POR: variants seen among roughly 807,000 people sequenced by gnomAD.
POR encodes the protein cytochrome p450 oxidoreductase, also known as NADPH--cytochrome P450 reductase.
In POR, 56 loss-of-function variants were observed where a neutral mutation model predicts 84.0. The observed-to-expected ratio is 0.67, with a 90% CI of 0.54 to 0.83. POR has a LOEUF of 0.83. Ranked by LOEUF, POR falls within the 40% of genes least tolerant of loss-of-function variation. The pLI is 0.00. For missense variants in POR, 938 were observed against 944.3 expected (o/e 0.99, Z 0.09); for synonymous variants, 414 against 400.5 (o/e 1.03, Z -0.40).
chr7:75,985,575 A>C lies in POR; in HGVS notation c.1399-4A>C, dbSNP rs1554559046. 6 of 1,531,292 alleles carry C rather than the reference A, an allele frequency of 3.9e-6. No homozygotes were observed. The Admixed American group carries it at 5.7e-5, about 15-fold the overall frequency. The allele number at this position is 1,531,292 out of a possible 1,614,324, so 94.9% of individuals were successfully genotyped here. ...CGGTGGAGCTCACACGGCCCTCCCC[A>C]CAGGTCCACCCCAACTCTGTGCACA... On this transcript the variant is annotated splice_region_variant and splice_polypyrimidine_tract_variant and intron_variant, in intron 12 of 15. Coordinates refer to ENST00000461988, the MANE Select transcript of POR (RefSeq NM_000941.3).
chr7:75,941,819 T>G (rs1262088733), intron 1 of POR, among the ~76,000 whole-genome samples: 2 of 151,116 alleles, frequency 1.3e-5, no homozygotes, highest in African/African-American at 4.9e-5. Context: ...CTCTATAATT[T>G]GAAATATATA....
Position 75,986,368 on chromosome 7 carries a change from A to C in POR, c.1930A>C (p.Asn644His), listed in dbSNP as rs929205539. ...ACGGAACATGGCCAGGGATGTGCAGAACACCTTCTACGACATCGTGGCTGA... is the reference window on the plus strand; with the variant it reads ...ACGGAACATGGCCAGGGATGTGCAGCACACCTTCTACGACATCGTGGCTGA... Residue 644 changes from asparagine to histidine, a missense_variant, in exon 16 of 16, where the codon AAC becomes CAC. Physicochemically the swap from Asn to His is moderately conservative, Grantham distance 68. Transcript: ENST00000461988. The C allele has an allele frequency of 1.2e-6, 2 of 1,612,602 alleles. No homozygotes were observed. The highest frequency in any genetic ancestry group is 1.3e-5 in the African/African-American group (1 of 75,032).
intron 2 of POR, among the ~76,000 whole-genome samples, chr7:75,961,076 T>C (rs888686846): frequency 1.1e-4 from 17 of 151,570 alleles, no homozygotes; most frequent in Non-Finnish European, 1.8e-4. Context: ...CTACAAAAAG[T>C]ACAAAAATTA....
chr7:75,986,831 T>C lies in POR; in HGVS notation c.*350T>C. 1.7e-6 allele frequency: 1 copy of C among 573,118 alleles called. No individual in the cohort carries two copies. The highest frequency in any genetic ancestry group is 2.4e-5 in the South Asian group (1 of 41,780). 35.5% of individuals were successfully genotyped at this position (573,118 alleles called of 1,614,324 possible). A position where few individuals can be genotyped will look rare whatever the true frequency, so the allele number is the denominator to read the frequency against. ...AATAATTTTAAATAACCTCTGGCCC[T>C]TGGAATAAAGTTCTGTTTTCTGTAT... is the stretch of plus-strand genomic sequence containing the variant. On this transcript the variant is annotated 3_prime_UTR_variant, in exon 16 of 16. Coordinates refer to ENST00000461988, the MANE Select transcript of POR (RefSeq NM_000941.3).
chr7:75,939,536 C>CTTTTTT (rs3043448), intron 1 of POR, among the ~76,000 whole-genome samples: 1 of 126,102 alleles, frequency 7.9e-6, no homozygotes, highest in Non-Finnish European at 1.7e-5. Flanking sequence ...TACTCAACAG[C>CTTTTTT]TTTTTTTTTT....
chr7:75,972,399 CT>C lies in POR; in HGVS notation c.189-10del. ...ACCTGCCTCCCACGCTCATTGCACA[CT>C]TTTGTCTTGCAGGACCTCCTCTGTC... is the stretch of plus-strand genomic sequence containing the variant. On this transcript the variant is annotated splice_polypyrimidine_tract_variant and intron_variant, in intron 2 of 15. Transcript: ENST00000461988. 6.2e-7 allele frequency: 1 copy of C among 1,608,398 alleles called. No homozygotes were observed.
chr7:75,952,316 G>A (rs188847543), intron 1 of POR, among the ~76,000 whole-genome samples: 5,022 of 121,168 alleles, frequency 0.041, 390 homozygotes, highest in Non-Finnish European at 0.063. Flanking sequence ...CCCGGATGGG[G>A]CGGCTGGCCG....
At chr7:75,956,391 A>C (rs782750523) in intron 2 of POR, among the ~76,000 whole-genome samples, 6 of 152,216 alleles carry the variant, frequency 3.9e-5, no homozygotes, top group Admixed American at 1.3e-4. Flanking sequence ...AGTGTCCCAG[A>C]CACTATGCTA....
Position 75,985,074 on chromosome 7 carries a change from G to T in POR, c.1265G>T (p.Trp422Leu), listed in dbSNP as rs1419019194. 1.2e-5 allele frequency: 19 copies of T among 1,598,890 alleles called. No individual in the cohort carries two copies. Among genetic ancestry groups the T allele is most frequent in the Non-Finnish European group, 1.5e-5 (18 of 1,178,856 alleles). ...GTCTCTTAGGAGCTGTACCTGAGCT[G>T]GGTGGTGGAGGCCCGGAGGCACATC... Residue 422 changes from tryptophan (W) to leucine (L), a missense_variant, in exon 12 of 16, where the codon TGG (tryptophan) becomes TTG (leucine). Coordinates refer to ENST00000461988, the MANE Select transcript of POR (RefSeq NM_000941.3).
In POR at chr7:75,986,134, C is replaced by A. The variant is rs41301436; in HGVS notation, c.1816-25C>A. ...GCAGGGCCACAGCCACAGTGCCCCC[C>A]TCACAGCACCACCCTTGGCCCCAGG... On this transcript the variant is annotated intron_variant, in intron 14 of 15. Coordinates refer to ENST00000461988, the MANE Select transcript of POR (RefSeq NM_000941.3). The A allele has an allele frequency of 5.0e-6, 8 of 1,596,238 alleles. No homozygotes were observed. The African/African-American group carries it at 5.4e-5, about 11-fold the overall frequency.
intron 1 of POR, among the ~76,000 whole-genome samples, chr7:75,939,206 A>C (rs1221389776): frequency 4.6e-5 from 7 of 152,250 alleles, no homozygotes; most frequent in Non-Finnish European, 4.4e-5. Context: ...TAAGAGTGAC[A>C]GAAGCATGTC....
intron 1 of POR, among the ~76,000 whole-genome samples, chr7:75,946,311 G>A (rs1406315063): frequency 2.0e-5 from 3 of 151,940 alleles, no homozygotes; most frequent in African/African-American, 4.8e-5. Flanking sequence ...TCTTGAGACA[G>A]GACCTCACTC....
intron 1 of POR, among the ~76,000 whole-genome samples, chr7:75,953,563 C>T (rs1000824646): frequency 1.3e-5 from 2 of 152,152 alleles, no homozygotes; most frequent in African/African-American, 2.4e-5. Context: ...GGGCAACCCC[C>T]GCCAGCCACA....
In POR at chr7:75,981,942, C is replaced by T. The variant is rs41299505; in HGVS notation, c.732-282C>T. The T allele has an allele frequency of 0.042, 24,065 of 569,642 alleles. 648 individuals are homozygous for T. The highest frequency in any genetic ancestry group is 0.069 in the Middle Eastern group (147 of 2,130). The allele number at this position is 569,642 out of a possible 1,614,324, so 35.3% of individuals were successfully genotyped here. A position where few individuals can be genotyped will look rare whatever the true frequency, so the allele number is the denominator to read the frequency against. Reference sequence around the variant, plus strand: ...TTCCTCTCTGTGCCCTTGATGGCCCCTGGGTGCTGCCCGGGCTTCCTTACC... The same window carrying T: ...TTCCTCTCTGTGCCCTTGATGGCCCTTGGGTGCTGCCCGGGCTTCCTTACC... On this transcript the variant is annotated intron_variant, in intron 7 of 15. Transcript: ENST00000461988.
chr7:75,953,949 C>G, intron 1 of POR, 40 bp from the exon 2 acceptor site: 1 of 1,493,408 alleles, frequency 6.7e-7, no homozygotes, highest in Non-Finnish European at 9.1e-7. Flanking sequence ...GGGCACCCTG[C>G]TACCCTCTGC....
At chr7:75,935,213 T>G (rs989139971) in intron 1 of POR, among the ~76,000 whole-genome samples, 1 of 151,820 alleles carries the variant, frequency 6.6e-6, no homozygotes, top group Non-Finnish European at 1.5e-5. Flanking sequence ...AGGAGATTAT[T>G]TGGGAGCTTT....
intron 1 of POR, among the ~76,000 whole-genome samples, chr7:75,941,884 A>G (rs1175531117): frequency 6.6e-6 from 1 of 152,114 alleles, no homozygotes; most frequent in East Asian, 1.9e-4. Context: ...AGTTTTTAAT[A>G]CAGGTTTGTT....
chr7:75,915,802 T>G (rs1298640623), intron 1 of POR: 1 of 151,998 alleles, frequency 6.6e-6, no homozygotes, highest in Non-Finnish European at 1.5e-5. Flanking sequence ...GGGACACCCT[T>G]AGATCGGGGG....
intron 2 of POR, among the ~76,000 whole-genome samples, chr7:75,968,696 G>A (rs1364024282): frequency 1.3e-5 from 2 of 152,204 alleles, no homozygotes; most frequent in Non-Finnish European, 2.9e-5. Context: ...TCCGCCTCCA[G>A]CTCCTTGGGT....
Sources: allele counts gnomAD v4.1 joint callset (sites outside exome capture counted in the v4.1 genomes callset), GRCh38; gene constraint gnomAD v4.1.1; transcripts MANE v1.5; gene names NCBI Gene and HGNC (gene_info 2026-07-23, HGNC 2026-07-21).